UPRT: variants seen among roughly 807,000 people sequenced by gnomAD.
The protein encoded by UPRT is uracil phosphoribosyltransferase homolog.
UPRT carries 5 observed loss-of-function variants against 22.6 expected under a neutral mutation model. That is an observed-to-expected ratio of 0.22 (90% CI 0.12 to 0.47). The LOEUF (loss-of-function observed/expected upper bound fraction) is 0.47. Among genes scored for constraint, UPRT ranks in the 20% least tolerant of loss-of-function variants. The probability of loss-of-function intolerance (pLI) is 0.99; values close to 1 mark genes in which losing one functional copy is unlikely to be tolerated. For synonymous variants in UPRT, 77 were observed against 87.7 expected (o/e 0.88, Z 0.68); for missense variants, 181 against 239.9 (o/e 0.75, Z 1.62).
intron 4 of UPRT, among the ~76,000 whole-genome samples, chrX:75,243,798 G>A (rs763628202): frequency 3.4e-4 from 38 of 111,403 alleles, no homozygotes; most frequent in Non-Finnish European, 6.4e-4. Context: ...TTTTCATCCC[G>A]GAATGCCCTA....
intron 4 of UPRT, among the ~76,000 whole-genome samples, chrX:75,196,601 C>A (rs2082333268): frequency 1.8e-5 from 2 of 112,180 alleles, no homozygotes; most frequent in Non-Finnish European, 3.8e-5. Context: ...AATCCCAGCA[C>A]TTTGGAAGGC....
chrX:75,237,939 A>G lies in UPRT; in HGVS notation c.-446-53085A>G, dbSNP rs764922437. Among the ~76,000 whole-genome samples, 4 of 111,243 alleles carry G rather than the reference A, an allele frequency of 3.6e-5. No homozygotes were observed. In the South Asian group the frequency reaches 1.5e-3, roughly 42 times the overall value. ...ATTGTGCACATGTACCCTAAAAGTT[A>G]AAGTATAACAATAATAAAAAAAGGA... On this transcript the variant is annotated intron_variant, in intron 4 of 13. Coordinates refer to the UPRT transcript ENST00000652605.
chrX:75,225,248 C>T (rs1431230441), intron 4 of UPRT, among the ~76,000 whole-genome samples: 2 of 108,933 alleles, frequency 1.8e-5, no homozygotes, highest in East Asian at 5.8e-4. Flanking sequence ...AGAAGGATTG[C>T]TCGAGGCCAG....
At chrX:75,197,999 GACA>G (rs1325447186) in intron 4 of UPRT, among the ~76,000 whole-genome samples, 1 of 112,279 alleles carries the variant, frequency 8.9e-6, no homozygotes, top group African/African-American at 3.2e-5. Flanking sequence ...AAAAAGAAAT[GACA>G]ACAAAAAATA....
intron 1 of UPRT, among the ~76,000 whole-genome samples, chrX:75,291,104 A>T (rs1193087015): frequency 9.0e-6 from 1 of 111,671 alleles, no homozygotes; most frequent in Non-Finnish European, 1.9e-5. Flanking sequence ...TTATGTGAGG[A>T]GGTGTCAAGA....
chrX:75,238,338 A>G (rs759484724), intron 4 of UPRT, among the ~76,000 whole-genome samples: 1 of 111,727 alleles, frequency 9.0e-6, no homozygotes, highest in South Asian at 3.7e-4. Context: ...CTATTCTTAT[A>G]TCAGACAAAA....
At chrX:75,187,924 C>T (rs967800078) in intron 4 of UPRT, among the ~76,000 whole-genome samples, 15 of 111,807 alleles carry the variant, frequency 1.3e-4, no homozygotes, top group Non-Finnish European at 7.5e-5. Context: ...ATACATTCTT[C>T]TAAATTTTTT....
chrX:75,277,026 C>A (rs1430987798), intron 1 of UPRT, among the ~76,000 whole-genome samples: 1 of 112,064 alleles, frequency 8.9e-6, no homozygotes, highest in Non-Finnish European at 1.9e-5. Context: ...CATTTTGTGA[C>A]TCATTTCATT....
chrX:75,267,386 T>C (rs963249245), intron 4 of UPRT, among the ~76,000 whole-genome samples: 1 of 111,171 alleles, frequency 9.0e-6, no homozygotes, highest in Non-Finnish European at 1.9e-5. Context: ...TGAGAACACT[T>C]GGACATGGGA....
chrX:75,274,123 A>G lies in UPRT; in HGVS notation c.-132A>G. Reference sequence around the variant, plus strand: ...GGAAACCAACAGCGGCCTAGGGGTGAAAGGACAGCCAGGGTTAGATGTTCT... The same window carrying G: ...GGAAACCAACAGCGGCCTAGGGGTGGAAGGACAGCCAGGGTTAGATGTTCT... On this transcript the variant is annotated 5_prime_UTR_variant, in exon 1 of 7. Coordinates refer to ENST00000373383, the MANE Select transcript of UPRT (RefSeq NM_145052.4). The G allele has an allele frequency of 3.0e-6, 3 of 1,005,553 alleles. No individual in the cohort carries two copies. The highest frequency in any genetic ancestry group is 3.3e-5 in the East Asian group (1 of 30,307). The allele number at this position is 1,005,553 out of a possible 1,213,427, so 82.9% of individuals were successfully genotyped here.
At chrX:75,270,925 A>T (rs760931735), upstream of UPRT, among the ~76,000 whole-genome samples, 15 of 111,211 alleles carry the variant, frequency 1.3e-4, no homozygotes, top group Non-Finnish European at 2.5e-4. Flanking sequence ...TAAACACTTT[A>T]TGTGAAAAAA....
chrX:75,299,507 A>G (rs2082737053), intron 4 of UPRT, among the ~76,000 whole-genome samples: 1 of 111,953 alleles, frequency 8.9e-6, no homozygotes, highest in South Asian at 3.8e-4. Flanking sequence ...AGCTAGCAAT[A>G]AAACTAGCTT....
At chrX:75,168,006 C>A (rs970113873) in intron 4 of UPRT, among the ~76,000 whole-genome samples, 1 of 111,894 alleles carries the variant, frequency 8.9e-6, no homozygotes, top group Non-Finnish European at 1.9e-5. Flanking sequence ...TTTAGCTTGT[C>A]CCTGAAATAA....
chrX:75,208,287 G>A (rs1356890435), intron 4 of UPRT, among the ~76,000 whole-genome samples: 5 of 111,288 alleles, frequency 4.5e-5, no homozygotes, highest in African/African-American at 1.3e-4. Context: ...CAGATGGAGG[G>A]GCTACAGAGA....
In UPRT at chrX:75,300,657, C is replaced by T. The variant is rs755054485; in HGVS notation, c.725-210C>T. Among the ~76,000 whole-genome samples the T allele has an allele frequency of 3.6e-5, 4 of 110,118 alleles. No individual in the cohort carries two copies. The East Asian group carries it at 8.7e-4, about 24-fold the overall frequency. On this transcript the variant is annotated intron_variant, in intron 5 of 6. Coordinates refer to ENST00000373383, the MANE Select transcript of UPRT (RefSeq NM_145052.4). ...GAAAAAGTAGCTGGGTGTGGTGGCA[C>T]GTGCCTATAGTCCCAGCTACTTGGG...
chrX:75,170,245 C>T (rs2082223351), intron 4 of UPRT, among the ~76,000 whole-genome samples: 1 of 110,935 alleles, frequency 9.0e-6, no homozygotes, highest in Admixed American at 9.5e-5. Flanking sequence ...CCATGTTGGC[C>T]AGGCTGATCT....
intron 6 of UPRT, 60 bp downstream of exon 6, chrX:75,301,025 C>T (rs1602499760): frequency 2.5e-6 from 2 of 804,226 alleles, no homozygotes; most frequent in African/African-American, 2.1e-5. Flanking sequence ...GGTAAGTATG[C>T]ATTTTCTAGC....
At chrX:75,227,105 T>A (rs2082425741) in intron 4 of UPRT, among the ~76,000 whole-genome samples, 1 of 111,307 alleles carries the variant, frequency 9.0e-6, no homozygotes, top group South Asian at 3.8e-4. Context: ...CATCGTCCAG[T>A]CAAGTCTTTA....
At chrX:75,169,945 G>T (rs1040441799) in intron 4 of UPRT, among the ~76,000 whole-genome samples, 2 of 110,600 alleles carry the variant, frequency 1.8e-5, no homozygotes, top group Non-Finnish European at 3.8e-5. Flanking sequence ...ATAAATTTGG[G>T]AGCTCCACTG....
Sources: allele counts gnomAD v4.1 joint callset (sites outside exome capture counted in the v4.1 genomes callset), GRCh38; gene constraint gnomAD v4.1.1; transcripts MANE v1.5; gene names NCBI Gene and HGNC (gene_info 2026-07-23, HGNC 2026-07-21).